Variants in DSCAML1 observed in about 807,000 individuals in gnomAD.
The protein encoded by DSCAML1 is cell adhesion molecule DSCAML1.
Under a neutral mutation model 200.5 loss-of-function variants are expected in DSCAML1, and 38 were observed. The observed-to-expected ratio is 0.19, with a 90% CI of 0.15 to 0.25. DSCAML1 has a LOEUF of 0.25. Ranked by LOEUF, DSCAML1 falls within the 10% of genes least tolerant of loss-of-function variation. The pLI is 1.00. For missense variants in DSCAML1, 2,223 were observed against 2,858.8 expected (o/e 0.78, Z 5.07); for synonymous variants, 1,215 against 1,165.0 (o/e 1.04, Z -0.87).
intron 3 of DSCAML1, among the ~76,000 whole-genome samples, chr11:117,636,367 T>C (rs186180481): frequency 6.6e-6 from 1 of 152,342 alleles, no homozygotes. Context: ...ATTCCCAATG[T>C]ATTGGGATTA....
chr11:117,540,850 T>TA (rs59735481), intron 3 of DSCAML1, among the ~76,000 whole-genome samples: 46,627 of 151,816 alleles, frequency 0.31, 7,690 homozygotes, highest in African/African-American at 0.43. Context: ...GTAATAATAA[T>TA]AAAAAAAGTT....
At chr11:117,640,722 C>G (rs2137593439) in intron 3 of DSCAML1, among the ~76,000 whole-genome samples, 2 of 152,314 alleles carry the variant, frequency 1.3e-5, no homozygotes, top group South Asian at 4.1e-4. Flanking sequence ...CCATGTCAAT[C>G]CCAGCCCCTC....
At chr11:117,776,304 G>C (rs1194899761) in intron 3 of DSCAML1, among the ~76,000 whole-genome samples, 1 of 152,188 alleles carries the variant, frequency 6.6e-6, no homozygotes, top group African/African-American at 2.4e-5. Flanking sequence ...TTCAAGAAGG[G>C]AAGAAGGAAA....
At chr11:117,567,903 G>A (rs7480578) in intron 3 of DSCAML1, among the ~76,000 whole-genome samples, 34,764 of 151,446 alleles carry the variant, frequency 0.23, 4,232 homozygotes, top group Non-Finnish European at 0.26. Context: ...TACCAAAGCC[G>A]GGCAGAGACA....
At chr11:117,690,092 AAAAAC>A (rs1395405313) in intron 3 of DSCAML1, among the ~76,000 whole-genome samples, 1 of 152,378 alleles carries the variant, frequency 6.6e-6, no homozygotes, top group South Asian at 2.1e-4. Context: ...CTATACTGAA[AAAAAC>A]AAAACCAAAG....
At position 117,435,579 on chromosome 11, in the gene DSCAML1, G is replaced by T. The variant is rs146782057; in HGVS notation, c.4876+65C>A. The T allele has an allele frequency of 3.2e-5, 47 of 1,485,940 alleles. 1 individual carries two copies. The East Asian group carries it at 1.1e-3, about 34-fold the overall frequency. The allele number at this position is 1,485,940 out of a possible 1,614,324, so 92.0% of individuals were successfully genotyped here. On this transcript the variant is annotated intron_variant, in intron 27 of 32. Coordinates refer to ENST00000651296, the MANE Select transcript of DSCAML1 (RefSeq NM_020693.4). ...CCAGATGGTGCTGTGAGCCAGGGAA[G>T]GGGGGGGACAATGTGGCTGAGAGCC...
chr11:117,717,725 T>C (rs371790510), intron 3 of DSCAML1, among the ~76,000 whole-genome samples: 2 of 152,290 alleles, frequency 1.3e-5, no homozygotes, highest in East Asian at 3.9e-4. Context: ...GCTCCCACAA[T>C]GCCAAGCCCA....
chr11:117,670,940 T>C (rs1405750565), intron 3 of DSCAML1, among the ~76,000 whole-genome samples: 1 of 152,142 alleles, frequency 6.6e-6, no homozygotes, highest in Non-Finnish European at 1.5e-5. Flanking sequence ...CAGAGGAAGT[T>C]GGACCGGAAT....
At chr11:117,566,997 G>A (rs1184230497) in intron 3 of DSCAML1, among the ~76,000 whole-genome samples, 3 of 152,070 alleles carry the variant, frequency 2.0e-5, no homozygotes, top group Non-Finnish European at 4.4e-5. Context: ...ATTTGGGTTG[G>A]TTCCAAGTCT....
intron 3 of DSCAML1, among the ~76,000 whole-genome samples, chr11:117,703,579 A>C (rs962703653): frequency 3.9e-5 from 6 of 152,184 alleles, no homozygotes; most frequent in Admixed American, 3.9e-4. Flanking sequence ...CCTATTATCA[A>C]AACTCAAAAT....
Position 117,518,893 on chromosome 11 carries a change from A to G in DSCAML1, c.1214-131T>C, listed in dbSNP as rs1202969980. ...CAAACAAGAACTTTTGTGTACATCA[A>G]TTCTTCTGCTATCCGCAACCCCAAG... On this transcript the variant is annotated intron_variant, in intron 6 of 32. Transcript: ENST00000651296. This position sits in a 1 kb window ranked among gnomAD's most constrained non-coding sequence, Gnocchi z 6.3. 4 of 1,020,682 alleles carry G rather than the reference A, an allele frequency of 3.9e-6. No individual in the cohort carries two copies. The Admixed American group carries it at 8.6e-5, about 22-fold the overall frequency. 63.2% of individuals were successfully genotyped at this position (1,020,682 alleles called of 1,614,324 possible).
chr11:117,682,835 G>A (rs1198416227), intron 3 of DSCAML1, among the ~76,000 whole-genome samples: 1 of 152,182 alleles, frequency 6.6e-6, no homozygotes, highest in Non-Finnish European at 1.5e-5. Context: ...GGAAGGGAGA[G>A]AACTGCCCTG....
chr11:117,438,947 GT>G lies in DSCAML1; in HGVS notation c.4180del (p.Thr1394ProfsTer8). ...PDQPRLTVSK[T>X]SASSITLTWI... ...GGTCAGGGTGATGGACGAAGCTGAG[GT>G]TTTGGAGACAGTGAGGCGGGGCTGG... On this transcript the variant is annotated frameshift_variant, in exon 24 of 33. Transcript: ENST00000651296. LOFTEE classifies it high-confidence loss of function. The G allele has an allele frequency of 6.2e-7, 1 of 1,609,670 alleles. No individual in the cohort carries two copies.
intron 3 of DSCAML1, among the ~76,000 whole-genome samples, chr11:117,732,696 C>T (rs1256069079): frequency 6.6e-6 from 1 of 152,206 alleles, no homozygotes; most frequent in Non-Finnish European, 1.5e-5. Flanking sequence ...GATAGCTGGG[C>T]CTGCTCTTAC....
chr11:117,519,974 G>A (rs892198844), intron 6 of DSCAML1, among the ~76,000 whole-genome samples: 1 of 152,222 alleles, frequency 6.6e-6, no homozygotes, highest in Non-Finnish European at 1.5e-5. Flanking sequence ...CATACCTGTG[G>A]GGCTTGCTTG....
intron 3 of DSCAML1, among the ~76,000 whole-genome samples, chr11:117,593,853 A>C (rs2051309154): frequency 6.6e-6 from 1 of 151,836 alleles, no homozygotes; most frequent in Non-Finnish European, 1.5e-5. Context: ...ATGGGACTAC[A>C]GGCGCCCGCC....
rs547089972 is a variant in DSCAML1, at chr11:117,524,490, G to T, written c.937+315C>A. On this transcript the variant is annotated intron_variant, in intron 5 of 32. Transcript: ENST00000651296. Reference sequence around the variant, plus strand: ...CACCATCACCCTCCTCATCCCACTGGAGCCTCATGACCTCTGGGAGGTAGG... The same window carrying T: ...CACCATCACCCTCCTCATCCCACTGTAGCCTCATGACCTCTGGGAGGTAGG... Among the ~76,000 whole-genome samples the T allele has an allele frequency of 3.4e-4, 52 of 152,322 alleles. 2 individuals are homozygous for T. Among genetic ancestry groups the T allele is most frequent in the Admixed American group, 2.9e-3 (45 of 15,302 alleles).
At chr11:117,696,652 G>A (rs1203208505) in intron 3 of DSCAML1, among the ~76,000 whole-genome samples, 2 of 152,042 alleles carry the variant, frequency 1.3e-5, no homozygotes, top group South Asian at 2.1e-4. Flanking sequence ...GTCAGGACCC[G>A]TCTCCCCTTG....
intron 3 of DSCAML1, among the ~76,000 whole-genome samples, chr11:117,717,611 T>C (rs570209279): frequency 1.1e-4 from 16 of 152,366 alleles, no homozygotes; most frequent in African/African-American, 3.6e-4. Context: ...CTGGGCATCC[T>C]GACTTCCTGG....
Sources: gnomAD v4.1 joint callset for allele counts (sites outside exome capture counted in the v4.1 genomes callset) on GRCh38, gnomAD v4.1.1 for gene constraint, Gnocchi (gnomAD v3.1) non-coding constraint, MANE v1.5 for transcripts, NCBI Gene and HGNC (gene_info 2026-07-23, HGNC 2026-07-21) for gene names.